Variants in CHD1L observed in about 807,000 individuals in gnomAD.
CHD1L encodes ATP-dependent chromatin remodeler CHD1L.
A neutral mutation model predicts 115.9 loss-of-function variants in CHD1L; 118 were observed. The observed-to-expected ratio is 1.02, with a 90% CI of 0.88 to 1.19. The LOEUF is 1.19. Ranked by LOEUF, CHD1L falls within the 50% of genes most tolerant of loss-of-function variation. The pLI is 0.00. For missense variants in CHD1L, 1,179 were observed against 1,065.3 expected, an observed-to-expected ratio of 1.11 and a Z score of -1.49; for synonymous variants, 411 against 387.1, an observed-to-expected ratio of 1.06 and a Z score of -0.72.
At chr1:147,209,437 C>CAAAA in the CHD1L span, among the ~76,000 whole-genome samples, 2,676 of 109,316 alleles carry the variant, frequency 0.024, 138 homozygotes, top group East Asian at 0.09. Context: ...GACTCCGTCT[C>CAAAA]AAAAAAAAAA....
the CHD1L span, chr1:147,184,467 C>A: frequency 6.9e-7 from 1 of 1,456,356 alleles, no homozygotes; most frequent in South Asian, 1.5e-5. The surrounding 1 kb of genome is among the most constrained non-coding windows in gnomAD (Gnocchi z 4.4). Context: ...GGAGTCCATC[C>A]AGGATACTAC....
chr1:147,199,336 C>T, the CHD1L span, among the ~76,000 whole-genome samples: 8 of 152,174 alleles, frequency 5.3e-5, no homozygotes, highest in Admixed American at 1.3e-4. Context: ...GACAGATTGG[C>T]CATGGACAGA....
intron 18 of CHD1L, among the ~76,000 whole-genome samples, chr1:147,287,227 T>A (rs587594811): frequency 6.6e-6 from 1 of 152,350 alleles, no homozygotes; most frequent in Non-Finnish European, 1.5e-5. Context: ...GCAGCTTTGT[T>A]AGTACCAGCT....
intron 1 of CHD1L, among the ~76,000 whole-genome samples, chr1:147,246,151 T>C (rs1553933715): frequency 6.6e-6 from 1 of 152,218 alleles, no homozygotes; most frequent in East Asian, 1.9e-4. Context: ...AATCATACAA[T>C]ATGTAGCCTT....
intron 5 of CHD1L, among the ~76,000 whole-genome samples, chr1:147,256,875 T>C (rs938941491): frequency 3.3e-5 from 5 of 152,258 alleles, no homozygotes; most frequent in Non-Finnish European, 5.9e-5. Context: ...GGTTAATAGA[T>C]ATTAGGCTCT....
Position 147,275,389 on chromosome 1 carries a change from G to A in CHD1L, c.1306G>A (p.Val436Met), listed in dbSNP as rs1366064751. ...CATGAACTTAACAGCAGCAGATACTGTGATTTTTGTTGACAGTGACTTTAA... is the reference window on the plus strand; with the variant it reads ...CATGAACTTAACAGCAGCAGATACTATGATTTTTGTTGACAGTGACTTTAA... ...VGMNLTAADT[V>M]IFVDSDFNPQ... Residue 436 changes from valine (V) to methionine (M), a missense_variant, in exon 13 of 23, where the codon GTG becomes ATG. By Grantham distance (21) the Val-to-Met change is conservative (BLOSUM62 1). Coordinates refer to ENST00000369258, the MANE Select transcript of CHD1L (RefSeq NM_004284.6). 2.5e-6 allele frequency: 4 copies of A among 1,614,002 alleles called. No homozygotes were observed. The highest frequency in any genetic ancestry group is 3.4e-6 in the Non-Finnish European group (4 of 1,179,980).
upstream of CHD1L, among the ~76,000 whole-genome samples, chr1:147,241,584 C>G (rs1304674712): frequency 1.3e-5 from 2 of 152,172 alleles, no homozygotes; most frequent in African/African-American, 4.8e-5. Context: ...TCTCTTCACA[C>G]GGACGCGCAT....
At chr1:147,223,874 C>G in the CHD1L span, 13 of 343,492 alleles carry the variant, frequency 3.8e-5, no homozygotes, top group Non-Finnish European at 6.7e-5. Flanking sequence ...AGAGACAAAA[C>G]AAGAGAAGAA....
chr1:147,222,020 C>A, the CHD1L span, among the ~76,000 whole-genome samples: 1 of 152,158 alleles, frequency 6.6e-6, no homozygotes, highest in East Asian at 1.9e-4. Flanking sequence ...ACTCTATACA[C>A]TGATTATATT....
chr1:147,265,909 T>G (rs782251956), intron 7 of CHD1L, 23 bp from the exon 8 acceptor site: 52 of 1,595,260 alleles, frequency 3.3e-5, no homozygotes, highest in Non-Finnish European at 4.4e-5. Context: ...CCCACACTTC[T>G]TGTATTTTTT....
chr1:147,249,140 C>T (rs1553935110), intron 1 of CHD1L, among the ~76,000 whole-genome samples: 1 of 151,910 alleles, frequency 6.6e-6, no homozygotes, highest in Admixed American at 6.6e-5. Flanking sequence ...CTTTGTTTTC[C>T]TTCATCTGAG....
rs1221255113 is a variant in CHD1L, at chr1:147,276,026, A to C, written c.1386-78A>C. On this transcript the variant is annotated intron_variant, in intron 13 of 22. Transcript: ENST00000369258. ...ATGGTATTTGGTTTTGTTTGCTTTT[A>C]GATGTATTTACCTTGCATACTTTTG... The C allele has an allele frequency of 2.1e-6, 3 of 1,402,262 alleles. No individual in the cohort carries two copies. The African/African-American group carries it at 4.3e-5, about 20-fold the overall frequency. 86.9% of individuals were successfully genotyped at this position (1,402,262 alleles called of 1,614,324 possible).
chr1:147,173,672 T>G, the CHD1L span: 5 of 152,212 alleles, frequency 3.3e-5, no homozygotes, highest in Middle Eastern at 3.2e-3. Flanking sequence ...GCATGTCTCC[T>G]TCTAGAAACG....
intron 5 of CHD1L, among the ~76,000 whole-genome samples, chr1:147,257,439 A>G (rs3766524): frequency 0.094 from 14,254 of 152,128 alleles, 744 homozygotes; most frequent in East Asian, 0.16. Flanking sequence ...TAAGATATAC[A>G]TTCCCTCTCT....
In CHD1L at chr1:147,268,859, C is replaced by G; in HGVS notation, c.1066C>G (p.Leu356Val). The G allele has an allele frequency of 6.2e-7, 1 of 1,613,226 alleles. No homozygotes were observed. The highest frequency in any genetic ancestry group is 8.5e-7 in the Non-Finnish European group (1 of 1,179,406). Reference sequence around the variant, plus strand: ...GAAGCTTCACCTGCTGGATAAGCTACTAGCATTCCTGTATTCTGGGTAGGT... The same window carrying G: ...GAAGCTTCACCTGCTGGATAAGCTAGTAGCATTCCTGTATTCTGGGTAGGT... ...SGKLHLLDKL[L>V]AFLYSGGHRV... Residue 356 changes from leucine to valine, a missense_variant, in exon 10 of 23, where the codon CTA becomes GTA. By Grantham distance (32) the Leu-to-Val change is conservative (BLOSUM62 1). Coordinates refer to ENST00000369258, the MANE Select transcript of CHD1L (RefSeq NM_004284.6).
At position 147,268,844 on chromosome 1, in the gene CHD1L, C is replaced by G. The variant is rs1674998098; in HGVS notation, c.1051C>G (p.Leu351Val). Residue 351 changes from leucine (L) to valine (V), a missense_variant, in exon 10 of 23, where the codon CTG becomes GTG. Physicochemically the swap from Leu to Val is conservative, Grantham distance 32 (BLOSUM62 1). Transcript: ENST00000369258. ...GACTGAGGCTAGTGGGAAGCTTCACCTGCTGGATAAGCTACTAGCATTCCT... is the reference window on the plus strand; with the variant it reads ...GACTGAGGCTAGTGGGAAGCTTCACGTGCTGGATAAGCTACTAGCATTCCT... ...HLTEASGKLH[L>V]LDKLLAFLYS... 7 of 1,613,600 alleles carry G rather than the reference C, an allele frequency of 4.3e-6. No individual in the cohort carries two copies. The East Asian group carries it at 1.6e-4, about 36-fold the overall frequency.
At chr1:147,278,429 T>C (rs1465432961) in intron 14 of CHD1L, among the ~76,000 whole-genome samples, 5 of 151,716 alleles carry the variant, frequency 3.3e-5, no homozygotes, top group African/African-American at 4.8e-5. Context: ...TTCACCATGT[T>C]GGCCAGACTG....
upstream of CHD1L, among the ~76,000 whole-genome samples, chr1:147,241,830 C>T (rs1160612409): frequency 1.3e-5 from 2 of 152,174 alleles, no homozygotes; most frequent in East Asian, 3.9e-4. Context: ...TGACATTAGC[C>T]AGAGAATAAT....
At chr1:147,294,324 CAAT>C in intron 21 of CHD1L, 82 bp from the exon 22 acceptor site, 3 of 836,856 alleles carry the variant, frequency 3.6e-6, no homozygotes, top group South Asian at 2.1e-5. Context: ...GGGAGATAGT[CAAT>C]AATAATTTTC....
Sources: allele counts gnomAD v4.1 joint callset (sites outside exome capture counted in the v4.1 genomes callset), GRCh38; gene constraint gnomAD v4.1.1; non-coding constraint Gnocchi (gnomAD v3.1); transcripts MANE v1.5; gene names NCBI Gene and HGNC (gene_info 2026-07-23, HGNC 2026-07-21).